Variants in M1AP observed in about 807,000 individuals in gnomAD.
M1AP encodes the protein meiosis 1 associated protein.
M1AP carries 39 observed loss-of-function variants against 51.2 expected under a neutral mutation model. The ratio of observed to expected loss-of-function variants is 0.76; its 90% CI spans 0.59 to 1.00. M1AP has a LOEUF of 1.00. Among genes scored for constraint, M1AP ranks in the 50% least tolerant of loss-of-function variants. The pLI, the probability that M1AP is intolerant of heterozygous loss-of-function variation, is 0.00. For synonymous variants in M1AP, 251 were observed against 249.2 expected (o/e 1.01, Z -0.07); for missense variants, 545 against 641.2 (o/e 0.85, Z 1.62).
intron 2 of M1AP, among the ~76,000 whole-genome samples, chr2:74,616,115 A>G (rs1267221023): frequency 6.6e-6 from 1 of 152,222 alleles, no homozygotes; most frequent in Non-Finnish European, 1.5e-5. Flanking sequence ...ATTCTTACAC[A>G]AAGAAAACTT....
chr2:74,584,219 G>A (rs752494342), intron 4 of M1AP, among the ~76,000 whole-genome samples: 3 of 152,178 alleles, frequency 2.0e-5, no homozygotes, highest in Admixed American at 6.5e-5. Context: ...CCTGAAGCCT[G>A]TACTTTGATT....
intron 4 of M1AP, 36 bp from the exon 5 acceptor site, chr2:74,581,883 T>C (rs1174595818): frequency 1.3e-6 from 2 of 1,565,746 alleles, no homozygotes; most frequent in Non-Finnish European, 8.7e-7. Flanking sequence ...TTCACTTAGA[T>C]TGTAAATTTT....
At chr2:74,592,867 A>G (rs1217771990) in intron 4 of M1AP, among the ~76,000 whole-genome samples, 1 of 152,216 alleles carries the variant, frequency 6.6e-6, no homozygotes, top group Non-Finnish European at 1.5e-5. Context: ...GAGCAAGTTC[A>G]TCTTTGCCTT....
intron 8 of M1AP, among the ~76,000 whole-genome samples, chr2:74,561,113 A>G (rs1677919469): frequency 7.2e-6 from 1 of 138,380 alleles, no homozygotes; most frequent in South Asian, 2.4e-4. Context: ...GAGGAGGAGA[A>G]GGAGGAGGAG....
intron 4 of M1AP, among the ~76,000 whole-genome samples, chr2:74,589,393 T>G (rs780320888): frequency 1.3e-5 from 2 of 152,186 alleles, no homozygotes; most frequent in Admixed American, 6.5e-5. Context: ...TGAAGAAGGG[T>G]GGGTTCCATT....
rs555932102 is a variant in M1AP, at chr2:74,594,566, A to T, written c.595+12489T>A. Among the ~76,000 whole-genome samples the T allele has an allele frequency of 6.6e-5, 10 of 152,258 alleles. No homozygotes were observed. In the South Asian group the frequency reaches 1.5e-3, roughly 22 times the overall value. On this transcript the variant is annotated intron_variant, in intron 4 of 10. Coordinates refer to ENST00000421985, the MANE Select transcript of M1AP (RefSeq NM_001321739.2). ...TAAAAAAAATGGCAGAAAATTTCCC[A>T]AGTTGGGTTAAGATGTAAATTTACA... is the stretch of plus-strand genomic sequence containing the variant.
chr2:74,580,749 C>T (rs983289994), intron 5 of M1AP, among the ~76,000 whole-genome samples: 3 of 152,166 alleles, frequency 2.0e-5, no homozygotes, highest in Non-Finnish European at 4.4e-5. Context: ...CTTTGGTAAA[C>T]GTCATGTTCA....
chr2:74,598,601 ATATT>A (rs1680488114), intron 4 of M1AP, among the ~76,000 whole-genome samples: 1 of 149,748 alleles, frequency 6.7e-6, no homozygotes, highest in South Asian at 2.1e-4. Flanking sequence ...ATTCCTTGTA[ATATT>A]TATTCTGTAT....
At position 74,576,477 on chromosome 2, in the gene M1AP, T is replaced by C. The variant is rs1679074391; in HGVS notation, c.911A>G (p.His304Arg). Reference sequence around the variant, plus strand: ...ATACTTGATCACTTGGAGCTTGTAATGAGAGGCCGATGACTGGGAAGCCAT... The same window carrying C: ...ATACTTGATCACTTGGAGCTTGTAACGAGAGGCCGATGACTGGGAAGCCAT... ...YQMASQSSAS[H>R]YKLQVIKALK... Residue 304 changes from histidine (H) to arginine (R), a missense_variant, in exon 6 of 11, where the codon CAT becomes CGT. Transcript: ENST00000421985. 1.2e-6 allele frequency: 2 copies of C among 1,613,642 alleles called. No homozygotes were observed. The highest frequency in any genetic ancestry group is 2.2e-5 in the East Asian group (1 of 44,880).
chr2:74,621,246 C>T lies in M1AP; in HGVS notation c.241-6097G>A, dbSNP rs139011873. Reference sequence around the variant, plus strand: ...GCAGTGAGCAGAGATCGCGCCACTGCACTCCAGCCTGGGCGACAGAGCGAG... The same window carrying T: ...GCAGTGAGCAGAGATCGCGCCACTGTACTCCAGCCTGGGCGACAGAGCGAG... On this transcript the variant is annotated intron_variant, in intron 2 of 10. Coordinates refer to ENST00000421985, the MANE Select transcript of M1AP (RefSeq NM_001321739.2). Among the ~76,000 whole-genome samples, 309 of 151,908 alleles carry T rather than the reference C, an allele frequency of 2.0e-3. 1 individual carries two copies. Among genetic ancestry groups the T allele is most frequent in the African/African-American group, 7.2e-3 (299 of 41,432 alleles).
intron 10 of M1AP, 91 bp from the exon 11 acceptor site, chr2:74,558,965 C>T (rs987195082): frequency 3.1e-6 from 4 of 1,276,816 alleles, no homozygotes; most frequent in Admixed American, 6.2e-5. Flanking sequence ...CTAACTCTTT[C>T]CTAAGTTCAT....
chr2:74,595,128 A>G (rs1323590526), intron 4 of M1AP, among the ~76,000 whole-genome samples: 1 of 152,028 alleles, frequency 6.6e-6, no homozygotes, highest in East Asian at 1.9e-4. Flanking sequence ...CAATCCTCCC[A>G]CCTTAGCCTT....
intron 8 of M1AP, chr2:74,561,911 G>A (rs563070453): frequency 3.6e-5 from 35 of 985,156 alleles, no homozygotes; most frequent in Non-Finnish European, 3.9e-5. Flanking sequence ...TGTGCATGTC[G>A]TGTGTCCTCC....
chr2:74,634,718 G>A (rs867192390), intron 2 of M1AP, among the ~76,000 whole-genome samples: 1 of 152,202 alleles, frequency 6.6e-6, no homozygotes, highest in Middle Eastern at 3.4e-3. Flanking sequence ...GTTGAACTTT[G>A]TCAAATGCTT....
In M1AP at chr2:74,558,866, C is replaced by T. The variant is rs564311334; in HGVS notation, c.1443G>A (p.Gln481=). ...APRKHPCKTG[Q]LQTNRARATV... ...TAGCTCGAGCTCGGTTGGTCTGCAA[C>T]TGCCCAGTCTGCAAAGAGAGCAACC... is the stretch of plus-strand genomic sequence containing the variant. The change falls in exon 11 of 11, where the codon CAG becomes CAA. Residue 481 remains glutamine, a synonymous_variant. Transcript: ENST00000421985. The T allele has an allele frequency of 1.9e-6, 3 of 1,590,084 alleles. No homozygotes were observed. The highest frequency in any genetic ancestry group is 2.3e-5 in the South Asian group (2 of 87,106).
chr2:74,595,965 G>T (rs1168684296), intron 4 of M1AP, among the ~76,000 whole-genome samples: 1 of 151,878 alleles, frequency 6.6e-6, no homozygotes, highest in Non-Finnish European at 1.5e-5. Flanking sequence ...AGAGAAACCA[G>T]AAAAAATGCA....
chr2:74,561,096 G>C (rs1677913416), intron 8 of M1AP, among the ~76,000 whole-genome samples: 1 of 78,890 alleles, frequency 1.3e-5, no homozygotes, highest in Non-Finnish European at 2.6e-5. Context: ...AGGAGAAGGA[G>C]AAGGAGGAGG....
intron 4 of M1AP, among the ~76,000 whole-genome samples, chr2:74,596,915 A>C (rs572518299): frequency 6.6e-6 from 1 of 152,360 alleles, no homozygotes; most frequent in East Asian, 1.9e-4. Context: ...AGACTAACCT[A>C]CAGACAAAAA....
At chr2:74,612,395 T>C (rs891397414) in intron 3 of M1AP, among the ~76,000 whole-genome samples, 7 of 151,992 alleles carry the variant, frequency 4.6e-5, no homozygotes, top group African/African-American at 1.7e-4. Context: ...ATTTAAAAAA[T>C]TTTTTGTAGA....
Sources: allele counts gnomAD v4.1 joint callset (sites outside exome capture counted in the v4.1 genomes callset), GRCh38; gene constraint gnomAD v4.1.1; transcripts MANE v1.5; gene names NCBI Gene and HGNC (gene_info 2026-07-23, HGNC 2026-07-21).